Variants in TMTC2 observed in about 807,000 individuals in gnomAD.
TMTC2 encodes the protein transmembrane O-mannosyltransferase targeting cadherins 2.
TMTC2 carries 43 observed loss-of-function variants against 82.4 expected under a neutral mutation model. That is an observed-to-expected ratio of 0.52 (90% confidence interval 0.41 to 0.67). TMTC2 has a LOEUF of 0.67. Among genes scored for constraint, TMTC2 ranks in the 30% least tolerant of loss-of-function variants. TMTC2 has a pLI of 0.00. For synonymous variants in TMTC2, 408 were observed against 381.9 expected (o/e 1.07, Z -0.80); for missense variants, 919 against 1,012.4 (o/e 0.91, Z 1.25).
Position 82,687,398 on chromosome 12 carries a change from C to T in TMTC2, c.-189C>T. 1 of 591,006 alleles carries T rather than the reference C, an allele frequency of 1.7e-6. No individual in the cohort carries two copies. The highest frequency in any genetic ancestry group is 3.0e-6 in the Non-Finnish European group (1 of 337,292). The allele number at this position is 591,006 out of a possible 1,614,324, so 36.6% of individuals were successfully genotyped here. A position where few individuals can be genotyped will look rare whatever the true frequency, so the allele number is the denominator to read the frequency against. On this transcript the variant is annotated 5_prime_UTR_variant, in exon 1 of 12. Coordinates refer to ENST00000321196, the MANE Select transcript of TMTC2 (RefSeq NM_152588.3). ...GCACCCGGGGAGGACGCAGGAGCTG[C>T]GGAGACGGGCGCGAGGAGGAGGAGA...
chr12:82,918,352 G>T (rs938190876), intron 3 of TMTC2, among the ~76,000 whole-genome samples: 1 of 152,342 alleles, frequency 6.6e-6, no homozygotes, highest in Admixed American at 6.5e-5. Context: ...CCTCATGGAA[G>T]TAACACTTTG....
intron 1 of TMTC2, among the ~76,000 whole-genome samples, chr12:82,831,134 G>A (rs1207009708): frequency 1.3e-5 from 2 of 152,186 alleles, no homozygotes; most frequent in Admixed American, 6.5e-5. Flanking sequence ...CAAAACCCAG[G>A]ATATTGCCAT....
chr12:82,840,995 G>A (rs891550444), intron 1 of TMTC2, among the ~76,000 whole-genome samples: 3 of 152,046 alleles, frequency 2.0e-5, no homozygotes, highest in Admixed American at 6.6e-5. Context: ...GGCCAGGCTG[G>A]TCTCAAACAC....
intron 11 of TMTC2, among the ~76,000 whole-genome samples, chr12:83,116,676 C>G (rs1884773310): frequency 6.6e-6 from 1 of 152,192 alleles, no homozygotes; most frequent in African/African-American, 2.4e-5. Flanking sequence ...TTGCATTTCC[C>G]TGAACATTAG....
intron 1 of TMTC2, among the ~76,000 whole-genome samples, chr12:82,696,468 TTAAAGATAC>T (rs772036556): frequency 2.9e-4 from 44 of 152,234 alleles, no homozygotes; most frequent in Non-Finnish European, 5.4e-4. Flanking sequence ...TAAAAATCTT[TTAAAGATAC>T]CAGTGTGCAG....
intron 2 of TMTC2, among the ~76,000 whole-genome samples, chr12:82,874,117 TTAAG>T (rs1444983972): frequency 2.0e-5 from 3 of 152,240 alleles, no homozygotes; most frequent in Admixed American, 6.5e-5. Context: ...TCTAGATTAA[TTAAG>T]TGAAAGCCTC....
At chr12:82,693,480 T>A (rs1413121585) in intron 1 of TMTC2, among the ~76,000 whole-genome samples, 15 of 152,154 alleles carry the variant, frequency 9.9e-5, no homozygotes, top group Admixed American at 9.8e-4. Flanking sequence ...ACTCTTTGAG[T>A]TGACTAGATT....
At chr12:82,956,008 C>T (rs1877594523) in intron 4 of TMTC2, among the ~76,000 whole-genome samples, 1 of 151,964 alleles carries the variant, frequency 6.6e-6, no homozygotes, top group South Asian at 2.1e-4. Flanking sequence ...TTTCAGGCAA[C>T]TCCGTATGAT....
chr12:82,861,528 A>G (rs918235573), intron 2 of TMTC2, among the ~76,000 whole-genome samples: 13 of 152,236 alleles, frequency 8.5e-5, no homozygotes, highest in Admixed American at 2.0e-4. Flanking sequence ...TGAAAGTTAT[A>G]TTTTTATTTG....
intron 1 of TMTC2, among the ~76,000 whole-genome samples, chr12:82,766,495 G>A (rs1876969004): frequency 6.6e-6 from 1 of 152,182 alleles, no homozygotes; most frequent in Admixed American, 6.5e-5. Context: ...ACACTGTTTT[G>A]TCTTAGCTTC....
intron 2 of TMTC2, among the ~76,000 whole-genome samples, chr12:82,866,451 T>A (rs1023432903): frequency 1.3e-5 from 2 of 152,124 alleles, no homozygotes; most frequent in Admixed American, 6.5e-5. Flanking sequence ...AGCACTGAAT[T>A]TCAACCAGTT....
chr12:82,921,946 T>TAAA (rs918557446), intron 3 of TMTC2, among the ~76,000 whole-genome samples: 1 of 135,474 alleles, frequency 7.4e-6, no homozygotes, highest in South Asian at 2.4e-4. Context: ...AAATTAAAAT[T>TAAA]AAAAAAAAAA....
At chr12:82,827,875 TTTTTCTTTTTTCG>T (rs1384023656) in intron 1 of TMTC2, among the ~76,000 whole-genome samples, 1 of 151,396 alleles carries the variant, frequency 6.6e-6, no homozygotes, top group Admixed American at 6.6e-5. Context: ...TTTTTTTTTC[TTTTTCTTTTTTCG>T]TTTTCTTTTT....
At chr12:83,103,678 G>A (rs1439661847) in intron 11 of TMTC2, among the ~76,000 whole-genome samples, 1 of 152,138 alleles carries the variant, frequency 6.6e-6, no homozygotes, top group African/African-American at 2.4e-5. Flanking sequence ...TATCCAAACT[G>A]TAGTATTCTG....
intron 9 of TMTC2, among the ~76,000 whole-genome samples, chr12:83,032,895 C>T (rs1881500601): frequency 6.6e-6 from 1 of 151,990 alleles, no homozygotes; most frequent in Non-Finnish European, 1.5e-5. Context: ...ATTTGGAAAG[C>T]AGTGATAACA....
At chr12:82,914,213 T>C (rs1874861742) in intron 3 of TMTC2, among the ~76,000 whole-genome samples, 1 of 152,256 alleles carries the variant, frequency 6.6e-6, no homozygotes, top group Non-Finnish European at 1.5e-5. Context: ...TGATATTTTA[T>C]TTTAGAGATC....
intron 11 of TMTC2, among the ~76,000 whole-genome samples, chr12:83,076,181 T>A (rs1449701284): frequency 6.6e-6 from 1 of 152,232 alleles, no homozygotes; most frequent in Non-Finnish European, 1.5e-5. Context: ...CAATCATTTT[T>A]AAACAATATT....
intron 11 of TMTC2, among the ~76,000 whole-genome samples, chr12:83,097,232 C>T (rs986612318): frequency 1.3e-5 from 2 of 152,034 alleles, no homozygotes; most frequent in East Asian, 1.9e-4. Flanking sequence ...GCATCTGTGT[C>T]CTGAAAAGGA....
At chr12:82,772,076 G>A (rs7312288) in intron 1 of TMTC2, among the ~76,000 whole-genome samples, 23,065 of 152,068 alleles carry the variant, frequency 0.15, 2,004 homozygotes, top group African/African-American at 0.24. Flanking sequence ...GCACCATGGC[G>A]CTTAACTGTA....
Sources: gnomAD v4.1 joint callset for allele counts (sites outside exome capture counted in the v4.1 genomes callset) on GRCh38, gnomAD v4.1.1 for gene constraint, MANE v1.5 for transcripts, NCBI Gene and HGNC (gene_info 2026-07-23, HGNC 2026-07-21) for gene names.